Variants in MARCHF1 observed in about 807,000 individuals in gnomAD.
The protein encoded by MARCHF1 is membrane associated ring-CH-type finger 1.
Under a neutral mutation model 54.2 loss-of-function variants are expected in MARCHF1, and 40 were observed. The ratio of observed to expected loss-of-function variants is 0.74; its 90% CI spans 0.57 to 0.96. The LOEUF (loss-of-function observed/expected upper bound fraction) is 0.96. MARCHF1 is among the 40% of genes least tolerant of loss of function. MARCHF1 has a pLI of 0.00. For missense variants in MARCHF1, 586 were observed against 656.5 expected (o/e 0.89, Z 1.17); for synonymous variants, 236 against 236.3 (o/e 1.00, Z 0.01).
intron 1 of MARCHF1, among the ~76,000 whole-genome samples, chr4:164,366,372 T>C (rs1730880426): frequency 1.3e-5 from 2 of 152,140 alleles, no homozygotes; most frequent in African/African-American, 4.8e-5. Flanking sequence ...ACTGTAGTGA[T>C]AACTGAACTG....
intron 8 of MARCHF1, among the ~76,000 whole-genome samples, chr4:163,567,681 T>TAAAA (rs1739692064): frequency 6.6e-6 from 1 of 152,174 alleles, no homozygotes; most frequent in African/African-American, 2.4e-5. Context: ...AGATGTGCTT[T>TAAAA]TCACCTTACA....
intron 2 of MARCHF1, among the ~76,000 whole-genome samples, chr4:164,101,483 G>A (rs1297518744): frequency 8.0e-6 from 1 of 125,286 alleles, no homozygotes; most frequent in Non-Finnish European, 1.8e-5. Context: ...TAACTGGGAG[G>A]CACCCCCCAG....
chr4:163,788,221 G>A (rs1472637831), intron 4 of MARCHF1, among the ~76,000 whole-genome samples: 2 of 151,876 alleles, frequency 1.3e-5, no homozygotes, highest in South Asian at 4.2e-4. Flanking sequence ...TATCATATAT[G>A]TTTTACCACA....
At chr4:163,978,867 A>G (rs1256099514) in intron 3 of MARCHF1, among the ~76,000 whole-genome samples, 1 of 151,970 alleles carries the variant, frequency 6.6e-6, no homozygotes, top group Non-Finnish European at 1.5e-5. Flanking sequence ...GACTGCAGGC[A>G]TGTTCCACCA....
chr4:163,662,964 G>A (rs930090805), intron 5 of MARCHF1, among the ~76,000 whole-genome samples: 36 of 132,194 alleles, frequency 2.7e-4, no homozygotes, highest in East Asian at 2.1e-4. Flanking sequence ...TGTTTGCCAC[G>A]GGTTATTATT....
intron 1 of MARCHF1, among the ~76,000 whole-genome samples, chr4:164,249,787 A>C (rs1180899941): frequency 6.6e-6 from 1 of 151,376 alleles, no homozygotes; most frequent in Non-Finnish European, 1.5e-5. Flanking sequence ...AAGTCTTATG[A>C]GAGTTCATGC....
intron 4 of MARCHF1, among the ~76,000 whole-genome samples, chr4:163,709,532 C>T (rs767730165): frequency 1.3e-5 from 2 of 152,126 alleles, no homozygotes; most frequent in South Asian, 2.1e-4. Context: ...TGGCCTTACT[C>T]AACAGAGTGT....
chr4:163,721,105 C>G (rs1055355829), intron 4 of MARCHF1, among the ~76,000 whole-genome samples: 29 of 152,264 alleles, frequency 1.9e-4, no homozygotes, highest in African/African-American at 7.0e-4. Context: ...CTGTATTGTG[C>G]CGGTTTTCAA....
At chr4:163,731,412 T>G (rs1453792997) in intron 4 of MARCHF1, among the ~76,000 whole-genome samples, 1 of 152,158 alleles carries the variant, frequency 6.6e-6, no homozygotes, top group Non-Finnish European at 1.5e-5. Flanking sequence ...CAAAGGACAT[T>G]GATTCTGACA....
chr4:163,978,655 T>C (rs79367423), intron 3 of MARCHF1, among the ~76,000 whole-genome samples: 1,875 of 152,280 alleles, frequency 0.012, 41 homozygotes, highest in African/African-American at 0.043. Flanking sequence ...CTGTTGCCAA[T>C]TGAAATAGTC....
intron 1 of MARCHF1, among the ~76,000 whole-genome samples, chr4:164,281,970 C>G (rs1734037075): frequency 6.6e-6 from 1 of 151,430 alleles, no homozygotes; most frequent in Non-Finnish European, 1.5e-5. Flanking sequence ...ACATGCATCC[C>G]TCATCTGGCC....
intron 4 of MARCHF1, among the ~76,000 whole-genome samples, chr4:163,707,756 G>C (rs1252344548): frequency 1.4e-5 from 2 of 140,394 alleles, no homozygotes; most frequent in Non-Finnish European, 3.0e-5. Context: ...ATGTGAATGA[G>C]GACACTTAAT....
chr4:164,050,918 G>A (rs937773534), intron 2 of MARCHF1, among the ~76,000 whole-genome samples: 1 of 152,066 alleles, frequency 6.6e-6, no homozygotes, highest in Non-Finnish European at 1.5e-5. Context: ...GGGCAACACA[G>A]CAAAACTCTG....
At chr4:164,032,099 G>A (rs745494490) in intron 2 of MARCHF1, among the ~76,000 whole-genome samples, 1 of 152,126 alleles carries the variant, frequency 6.6e-6, no homozygotes, top group Non-Finnish European at 1.5e-5. Flanking sequence ...AGTTCTTCTA[G>A]ATTTTCTAGT....
intron 2 of MARCHF1, among the ~76,000 whole-genome samples, chr4:164,015,476 G>T (rs1318644883): frequency 6.6e-6 from 1 of 152,034 alleles, no homozygotes; most frequent in African/African-American, 2.4e-5. Flanking sequence ...AGCTAAAAAA[G>T]CTTCTGCACA....
At chr4:163,803,106 C>A (rs1748127451) in intron 4 of MARCHF1, among the ~76,000 whole-genome samples, 1 of 152,154 alleles carries the variant, frequency 6.6e-6, no homozygotes, top group Non-Finnish European at 1.5e-5. Flanking sequence ...CGGTTACACA[C>A]ATCATTGGGA....
intron 3 of MARCHF1, among the ~76,000 whole-genome samples, chr4:163,902,768 T>A (rs886796128): frequency 6.6e-5 from 10 of 152,224 alleles, no homozygotes; most frequent in African/African-American, 2.4e-4. Context: ...CAAATACATA[T>A]CATTATTACT....
At chr4:163,757,412 A>G (rs753580530) in intron 4 of MARCHF1, among the ~76,000 whole-genome samples, 2 of 152,208 alleles carry the variant, frequency 1.3e-5, no homozygotes, top group Non-Finnish European at 2.9e-5. Context: ...GGACATCCTG[A>G]ACATTAGCAA....
intron 5 of MARCHF1, among the ~76,000 whole-genome samples, chr4:163,625,605 A>G (rs1005469895): frequency 6.6e-6 from 1 of 152,238 alleles, no homozygotes; most frequent in African/African-American, 2.4e-5. Flanking sequence ...AACAAAAAAG[A>G]AAGGGCTCCA....
Sources: allele counts gnomAD v4.1 joint callset (sites outside exome capture counted in the v4.1 genomes callset), GRCh38; gene constraint gnomAD v4.1.1; transcripts MANE v1.5; gene names NCBI Gene and HGNC (gene_info 2026-07-23, HGNC 2026-07-21).